The following ELP4 variants were observed in gnomAD, a reference collection of about 807,000 sequenced individuals.
ELP4 encodes elongator complex protein 4.
In ELP4, 51 loss-of-function variants were observed where a neutral mutation model predicts 48.9. That is an observed-to-expected ratio of 1.04 (90% CI 0.83 to 1.32). The LOEUF (loss-of-function observed/expected upper bound fraction) is 1.32. Among genes scored for constraint, ELP4 ranks in the 40% most tolerant of loss-of-function variants. ELP4 has a pLI of 0.00. For missense variants in ELP4, 519 were observed against 514.6 expected (o/e 1.01, Z -0.08); for synonymous variants, 210 against 189.2 (o/e 1.11, Z -0.90).
At position 31,692,109 on chromosome 11, in the gene ELP4, A is replaced by G. The variant is rs541020761; in HGVS notation, c.1143+41888A>G. On this transcript the variant is annotated intron_variant, in intron 9 of 9. Transcript: ENST00000640961. ...GAGAAACTTCTTACTCAGAAGTCCAATAAAGAAATCTAACAATACTGGAGC... is the reference window on the plus strand; with the variant it reads ...GAGAAACTTCTTACTCAGAAGTCCAGTAAAGAAATCTAACAATACTGGAGC... Among the ~76,000 whole-genome samples the G allele has an allele frequency of 1.2e-3, 183 of 152,288 alleles. No individual in the cohort carries two copies. In the Middle Eastern group the frequency reaches 0.017, roughly 14 times the overall value.
rs549609276 is a variant in ELP4 at position 31,744,649 on chromosome 11, T to G, written c.1144-38744T>G. 2.0e-5 allele frequency among the ~76,000 whole-genome samples: 3 copies of G among 152,318 alleles called. No individual in the cohort carries two copies. In the East Asian group the frequency reaches 5.8e-4, roughly 29 times the overall value. On this transcript the variant is annotated intron_variant, in intron 9 of 9. Transcript: ENST00000640961. ...ACCAAAGACAAAAACCACATGATTA[T>G]CTCAATAGATGCAGAGAAGGCCTTT...
rs1956017765 is a variant in ELP4 at position 31,511,974 on chromosome 11, A to G, written c.223+1967A>G. ...AATATATTTTGCATGTATGCAGTGA[A>G]TTCTCAAAGTGCACAAAAGTTGAAG... On this transcript the variant is annotated intron_variant, in intron 1 of 9. Transcript: ENST00000640961. 2.0e-5 allele frequency: 3 copies of G among 152,236 alleles called. No homozygotes were observed. In the South Asian group the frequency reaches 6.2e-4, roughly 31 times the overall value. The allele number at this position is 152,236 out of a possible 1,614,324, so 9.4% of individuals were successfully genotyped here.
At chr11:31,705,775 A>G (rs1278268105) in intron 9 of ELP4, among the ~76,000 whole-genome samples, 1 of 152,216 alleles carries the variant, frequency 6.6e-6, no homozygotes, top group African/African-American at 2.4e-5. Flanking sequence ...TAAACATCAT[A>G]AATGTTTGAC....
intron 3 of ELP4, among the ~76,000 whole-genome samples, chr11:31,593,112 T>C (rs1275886176): frequency 6.6e-6 from 1 of 152,204 alleles, no homozygotes; most frequent in Non-Finnish European, 1.5e-5. Flanking sequence ...ATTGTTTGAC[T>C]GACTTCTCAC....
At chr11:31,727,031 G>T (rs1400630717) in intron 9 of ELP4, among the ~76,000 whole-genome samples, 1 of 152,070 alleles carries the variant, frequency 6.6e-6, no homozygotes, top group African/African-American at 2.4e-5. Flanking sequence ...CCAAGAATAA[G>T]TAGCTCAAAT....
chr11:31,555,786 A>G (rs191002591), intron 3 of ELP4, among the ~76,000 whole-genome samples: 26 of 152,108 alleles, frequency 1.7e-4, no homozygotes, highest in Admixed American at 5.2e-4. Context: ...AGGGTTTTCT[A>G]CATAATATTC....
At chr11:31,608,860 C>T (rs1041190875) in intron 5 of ELP4, among the ~76,000 whole-genome samples, 3 of 151,978 alleles carry the variant, frequency 2.0e-5, no homozygotes, top group Admixed American at 2.0e-4. Flanking sequence ...AGTAGCTGGC[C>T]CTGCTATCGA....
intron 7 of ELP4, chr11:31,646,694 G>T (rs1416252217): frequency 1.3e-5 from 2 of 151,296 alleles, no homozygotes; most frequent in African/African-American, 4.9e-5. Context: ...AAACTGGTGG[G>T]CATTACCATT....
At position 31,685,937 on chromosome 11, in the gene ELP4, A is replaced by G. The variant is rs559227425; in HGVS notation, c.1143+35716A>G. 2.6e-4 allele frequency among the ~76,000 whole-genome samples: 39 copies of G among 152,178 alleles called. No individual in the cohort carries two copies. The East Asian group carries it at 7.0e-3, about 27-fold the overall frequency. On this transcript the variant is annotated intron_variant, in intron 9 of 9. Coordinates refer to ENST00000640961, the MANE Select transcript of ELP4 (RefSeq NM_019040.5). Reference sequence around the variant, plus strand: ...CAGACTGAGACTCCATCTTAAAAAAAAAAAAAAAAATCTTTCCTATATATT... The same window carrying G: ...CAGACTGAGACTCCATCTTAAAAAAGAAAAAAAAAATCTTTCCTATATATT...
chr11:31,615,527 A>C lies in ELP4; in HGVS notation c.654-11583A>C, dbSNP rs534108289. Among the ~76,000 whole-genome samples, 19 of 152,152 alleles carry C rather than the reference A, an allele frequency of 1.2e-4. No homozygotes were observed. The East Asian group carries it at 2.1e-3, about 17-fold the overall frequency. On this transcript the variant is annotated intron_variant, in intron 5 of 9. Transcript: ENST00000640961. ...ACGTATTTTTATTAGAAGATAAATCAATAAAGTTATTTTTACTTCGAAAAA... is the reference window on the plus strand; with the variant it reads ...ACGTATTTTTATTAGAAGATAAATCCATAAAGTTATTTTTACTTCGAAAAA...
intron 9 of ELP4, among the ~76,000 whole-genome samples, chr11:31,742,716 C>T (rs1299750889): frequency 2.0e-5 from 3 of 152,082 alleles, no homozygotes; most frequent in Non-Finnish European, 4.4e-5. Context: ...ATTTTGTCAC[C>T]ACCAGGCCTG....
intron 6 of ELP4, among the ~76,000 whole-genome samples, chr11:31,629,665 G>A (rs1474590105): frequency 6.6e-6 from 1 of 151,736 alleles, no homozygotes; most frequent in African/African-American, 2.4e-5. Context: ...ATGGGACAGT[G>A]GGTTAAAATA....
chr11:31,528,000 G>T (rs967594430), intron 2 of ELP4, among the ~76,000 whole-genome samples: 2 of 151,682 alleles, frequency 1.3e-5, no homozygotes, highest in Non-Finnish European at 2.9e-5. Flanking sequence ...GTTCTTTCTT[G>T]CTGCCTTTTA....
At chr11:31,761,209 A>G (rs1262905123) in intron 9 of ELP4, among the ~76,000 whole-genome samples, 1 of 152,026 alleles carries the variant, frequency 6.6e-6, no homozygotes, top group Non-Finnish European at 1.5e-5. Flanking sequence ...ATGGTGGCAC[A>G]CACTTGTGGT....
intron 3 of ELP4, among the ~76,000 whole-genome samples, chr11:31,584,761 G>A (rs1957447283): frequency 6.6e-6 from 1 of 152,114 alleles, no homozygotes; most frequent in African/African-American, 2.4e-5. Context: ...CTGACCTCAG[G>A]TAATATGCCC....
intron 5 of ELP4, among the ~76,000 whole-genome samples, chr11:31,625,908 T>C (rs1369959665): frequency 6.6e-6 from 1 of 151,916 alleles, no homozygotes; most frequent in Non-Finnish European, 1.5e-5. Flanking sequence ...AAAAAGTGTC[T>C]ATGTAATCTA....
chr11:31,764,107 G>T (rs563509817), intron 9 of ELP4, among the ~76,000 whole-genome samples: 1 of 152,252 alleles, frequency 6.6e-6, no homozygotes, highest in East Asian at 1.9e-4. Flanking sequence ...TGCAGTGGGT[G>T]TCCAGTCATG....
chr11:31,722,220 A>T (rs1468730624), intron 9 of ELP4, among the ~76,000 whole-genome samples: 1 of 152,134 alleles, frequency 6.6e-6, no homozygotes, highest in Non-Finnish European at 1.5e-5. Context: ...TTAATATATT[A>T]TTTTTGTTGC....
intron 9 of ELP4, among the ~76,000 whole-genome samples, chr11:31,686,502 C>T (rs1053006850): frequency 1.1e-4 from 17 of 152,098 alleles, no homozygotes; most frequent in African/African-American, 4.1e-4. Flanking sequence ...ATTTCCAGCT[C>T]ACAATTTTGG....
Sources: gnomAD v4.1 joint callset for allele counts (sites outside exome capture counted in the v4.1 genomes callset) on GRCh38, gnomAD v4.1.1 for gene constraint, MANE v1.5 for transcripts, NCBI Gene and HGNC (gene_info 2026-07-23, HGNC 2026-07-21) for gene names.